The following FSTL1 variants were observed in gnomAD, a reference collection of about 807,000 sequenced individuals.
FSTL1 encodes the protein follistatin like 1, also known as follistatin-related protein 1.
Under a neutral mutation model 45.9 loss-of-function variants are expected in FSTL1, and 24 were observed. That is an observed-to-expected ratio of 0.52 (90% CI 0.38 to 0.74). FSTL1 has a LOEUF of 0.74. Ranked by LOEUF, FSTL1 falls within the 30% of genes least tolerant of loss-of-function variation. FSTL1 has a pLI of 0.00. For synonymous variants in FSTL1, 120 were observed against 137.6 expected (o/e 0.87, Z 0.89); for missense variants, 340 against 381.8 (o/e 0.89, Z 0.91).
intron 2 of FSTL1, among the ~76,000 whole-genome samples, chr3:120,434,322 T>A (rs111908936): frequency 3.9e-5 from 6 of 152,340 alleles, no homozygotes; most frequent in African/African-American, 1.4e-4. Context: ...TGGGTAGGTG[T>A]GCACATGGCC....
intron 2 of FSTL1, among the ~76,000 whole-genome samples, chr3:120,428,637 G>A (rs142874382): frequency 3.2e-3 from 480 of 152,278 alleles, no homozygotes; most frequent in Admixed American, 5.0e-3. Flanking sequence ...TGGAGGCTGA[G>A]GCACGAGAAT....
At chr3:120,401,509 T>C (rs1472244935) in intron 9 of FSTL1, among the ~76,000 whole-genome samples, 1 of 152,164 alleles carries the variant, frequency 6.6e-6, no homozygotes, top group Non-Finnish European at 1.5e-5. Context: ...CTAGTTACCA[T>C]TTAACCTGAT....
intron 2 of FSTL1, among the ~76,000 whole-genome samples, chr3:120,426,828 C>T (rs1937390708): frequency 6.6e-6 from 1 of 152,168 alleles, no homozygotes; most frequent in Non-Finnish European, 1.5e-5. Context: ...TGGGTGACTT[C>T]ATTGTTCATG....
chr3:120,402,815 G>A lies in FSTL1; in HGVS notation c.798C>T (p.Thr266=). Residue 266 remains threonine, a synonymous_variant, in exon 9 of 11, where the codon ACC becomes ACT. Coordinates refer to ENST00000295633, the MANE Select transcript of FSTL1 (RefSeq NM_007085.5). ...GCTTGAAGCACAGCTCACCGTCACAGGTCATGGCTGTACAGACCCAATTTC... is the reference window on the plus strand; with the variant it reads ...GCTTGAAGCACAGCTCACCGTCACAAGTCATGGCTGTACAGACCCAATTTC... ...ACGNWVCTAM[T]CDGKNQKGAQ... 6.3e-7 allele frequency: 1 copy of A among 1,580,410 alleles called. No individual in the cohort carries two copies. The highest frequency in any genetic ancestry group is 8.7e-7 in the Non-Finnish European group (1 of 1,149,370).
chr3:120,412,832 GCGCGCGCACACA>G lies in FSTL1; in HGVS notation c.169-861_169-850del, dbSNP rs1258390580. Among the ~76,000 whole-genome samples the G allele has an allele frequency of 2.3e-3, 301 of 128,524 alleles. 3 individuals carry two copies. Among genetic ancestry groups the G allele is most frequent in the Middle Eastern group, 0.011 (3 of 266 alleles). 84.3% of individuals were successfully genotyped at this position (128,524 alleles called of 152,430 possible). On this transcript the variant is annotated intron_variant, in intron 3 of 10. Transcript: ENST00000295633. ...CACACACACATGTGCGCGCGCGCGC[GCGCGCGCACACA>G]CACACACACACACACACACACACAC...
intron 2 of FSTL1, among the ~76,000 whole-genome samples, chr3:120,430,733 A>G (rs929746021): frequency 8.5e-5 from 13 of 152,216 alleles, no homozygotes; most frequent in African/African-American, 2.4e-4. Context: ...CATACCAAAC[A>G]TCATGCCAAG....
At chr3:120,437,617 A>C (rs558557422) in intron 2 of FSTL1, among the ~76,000 whole-genome samples, 18 of 151,668 alleles carry the variant, frequency 1.2e-4, no homozygotes, top group Non-Finnish European at 4.4e-5. Context: ...GTACACAGAC[A>C]CATATCCATG....
intron 9 of FSTL1, among the ~76,000 whole-genome samples, chr3:120,400,278 TCTGAGACA>T (rs1936795227): frequency 6.6e-6 from 1 of 152,206 alleles, no homozygotes; most frequent in Non-Finnish European, 1.5e-5. Flanking sequence ...TGGAGATTTC[TCTGAGACA>T]ATGACTCTCA....
chr3:120,402,774 G>T, intron 9 of FSTL1, 34 bp downstream of exon 9: 1 of 1,210,604 alleles, frequency 8.3e-7, no homozygotes. Context: ...CTCTCTCCTT[G>T]CTGTTTTTTC....
At chr3:120,428,585 T>C (rs1240193649) in intron 2 of FSTL1, among the ~76,000 whole-genome samples, 1 of 152,020 alleles carries the variant, frequency 6.6e-6, no homozygotes. Flanking sequence ...AATACAAAAA[T>C]TAGCTGGGTG....
chr3:120,448,225 A>G (rs1937801534), intron 2 of FSTL1, among the ~76,000 whole-genome samples: 1 of 152,260 alleles, frequency 6.6e-6, no homozygotes, highest in Non-Finnish European at 1.5e-5. Context: ...AAAAAGTTCA[A>G]CAATATTTGT....
rs183693125 is a variant in FSTL1, at chr3:120,443,033, T to C, written c.63+7651A>G. Among the ~76,000 whole-genome samples the C allele has an allele frequency of 2.8e-3, 410 of 147,414 alleles. 47 individuals carry two copies. The highest frequency in any genetic ancestry group is 0.01 in the African/African-American group (385 of 37,400). ...GGGTGCAGTGCACCAGCATGGCACATGTATACATATGTAACTAACCTGCAC... is the reference window on the plus strand; with the variant it reads ...GGGTGCAGTGCACCAGCATGGCACACGTATACATATGTAACTAACCTGCAC... On this transcript the variant is annotated intron_variant, in intron 2 of 10. Transcript: ENST00000295633.
intron 2 of FSTL1, among the ~76,000 whole-genome samples, chr3:120,430,570 G>T (rs1937458656): frequency 6.6e-6 from 1 of 152,224 alleles, no homozygotes; most frequent in Non-Finnish European, 1.5e-5. Context: ...TTAGAGGAAT[G>T]TTAATCTTTG....
chr3:120,408,420 A>G (rs1936988293), intron 6 of FSTL1, among the ~76,000 whole-genome samples: 1 of 152,236 alleles, frequency 6.6e-6, no homozygotes, highest in African/African-American at 2.4e-5. Context: ...GTCTTAAATG[A>G]CCAAATATCC....
Position 120,402,885 on chromosome 3 carries a change from C to A in FSTL1, c.728G>T (p.Gly243Val). 1.2e-6 allele frequency: 2 copies of A among 1,613,336 alleles called. No homozygotes were observed. Among genetic ancestry groups the A allele is most frequent in the Non-Finnish European group, 1.7e-6 (2 of 1,179,288 alleles). The change falls in exon 9 of 11, where the codon GGA becomes GTA. Residue 243 changes from glycine to valine, a missense_variant. Coordinates refer to ENST00000295633, the MANE Select transcript of FSTL1 (RefSeq NM_007085.5). ...CALEDETYAD[G>V]AETEVDCNRC... ...GTTACAGTCCACCTCGGTCTCAGCT[C>A]CATCTGCATACGTTTCATCCTCCAG...
Position 120,393,182 on chromosome 3 carries a change from T to A in FSTL1, c.*3770A>T, listed in dbSNP as rs1166106745. On this transcript the variant is annotated 3_prime_UTR_variant, in exon 11 of 11. Transcript: ENST00000295633. ...AGAGCAGTAATCTGTAGCAATCACA[T>A]AACAAAAAAGATTGCCTTTTAATAT... The A allele has an allele frequency of 2.6e-5, 4 of 152,160 alleles. No homozygotes were observed. The highest frequency in any genetic ancestry group is 2.6e-4 in the Admixed American group (4 of 15,284). 9.4% of individuals were successfully genotyped at this position (152,160 alleles called of 1,614,324 possible). A position where few individuals can be genotyped will look rare whatever the true frequency, so the allele number is the denominator to read the frequency against.
At chr3:120,449,776 C>T (rs1272020175) in intron 2 of FSTL1, among the ~76,000 whole-genome samples, 1 of 152,184 alleles carries the variant, frequency 6.6e-6, no homozygotes, top group Non-Finnish European at 1.5e-5. Context: ...AAACCACCCA[C>T]CAGGGAGCTA....
chr3:120,434,593 C>T (rs1937521630), intron 2 of FSTL1, among the ~76,000 whole-genome samples: 1 of 152,170 alleles, frequency 6.6e-6, no homozygotes, highest in Non-Finnish European at 1.5e-5. Context: ...TATTATACTT[C>T]CTTCTAGAGT....
At chr3:120,399,702 A>G (rs1029049506) in intron 10 of FSTL1, among the ~76,000 whole-genome samples, 181 bp downstream of exon 10, 3 of 152,116 alleles carry the variant, frequency 2.0e-5, no homozygotes, top group Non-Finnish European at 4.4e-5. Context: ...CCCTGTGAGG[A>G]CTTTATCAGG....
Sources: gnomAD v4.1 joint callset for allele counts (sites outside exome capture counted in the v4.1 genomes callset) on GRCh38, gnomAD v4.1.1 for gene constraint, MANE v1.5 for transcripts, NCBI Gene and HGNC (gene_info 2026-07-23, HGNC 2026-07-21) for gene names.